The following DLGAP2 variants were observed in gnomAD, a reference collection of about 807,000 sequenced individuals.
DLGAP2 encodes the protein DLG associated protein 2, also known as disks large-associated protein 2.
Under a neutral mutation model 100.3 loss-of-function variants are expected in DLGAP2, and 26 were observed. That is an observed-to-expected ratio of 0.26 (90% confidence interval 0.19 to 0.36). The LOEUF is 0.36. DLGAP2 is among the 10% of genes least tolerant of loss of function. The probability of loss-of-function intolerance (pLI) is 1.00; values close to 1 mark genes in which losing one functional copy is unlikely to be tolerated. For synonymous variants in DLGAP2, 886 were observed against 630.1 expected (o/e 1.41, Z -6.08); for missense variants, 1,858 against 1,453.2 (o/e 1.28, Z -4.53).
At position 1,590,587 on chromosome 8, in the gene DLGAP2, A is replaced by C. The variant is rs1042129279; in HGVS notation, c.1442+24693A>C. ...GTTTAGCGATTGTTGGTGATTCTTC[A>C]TGAAGAGCAGTAACTTTAGCTGGCT... On this transcript the variant is annotated intron_variant, in intron 6 of 14. Coordinates refer to ENST00000637795, the MANE Select transcript of DLGAP2 (RefSeq NM_001346810.2). Among the ~76,000 whole-genome samples the C allele has an allele frequency of 3.9e-5, 6 of 152,342 alleles. No individual in the cohort carries two copies. The East Asian group carries it at 1.2e-3, about 29-fold the overall frequency.
chr8:1,689,864 C>G (rs964969598), intron 12 of DLGAP2, among the ~76,000 whole-genome samples: 1 of 152,222 alleles, frequency 6.6e-6, no homozygotes, highest in South Asian at 2.1e-4. Flanking sequence ...AAGCCACATA[C>G]GTGTACTGGG....
At chr8:784,097 C>G (rs369616527) in intron 1 of DLGAP2, among the ~76,000 whole-genome samples, 267 of 152,236 alleles carry the variant, frequency 1.8e-3, no homozygotes, top group African/African-American at 6.3e-3. Context: ...CTGAACCCAG[C>G]TTTCTTTCAC....
At chr8:1,268,751 T>G (rs1326319947) in intron 3 of DLGAP2, among the ~76,000 whole-genome samples, 4 of 152,202 alleles carry the variant, frequency 2.6e-5, no homozygotes, top group Admixed American at 6.5e-5. Context: ...CTTTAAAAAT[T>G]TAAAAACATT....
intron 5 of DLGAP2, among the ~76,000 whole-genome samples, chr8:1,549,902 C>G (rs944165191): frequency 5.3e-5 from 8 of 152,220 alleles, no homozygotes; most frequent in Non-Finnish European, 1.2e-4. Flanking sequence ...AAAATCCACT[C>G]TGGATGATTT....
At chr8:1,482,605 G>A (rs991909783) in intron 3 of DLGAP2, among the ~76,000 whole-genome samples, 2 of 152,258 alleles carry the variant, frequency 1.3e-5, no homozygotes, top group Non-Finnish European at 2.9e-5. Context: ...TGGGCCACGG[G>A]GTGGGCGGCT....
intron 4 of DLGAP2, among the ~76,000 whole-genome samples, chr8:1,522,488 C>T (rs1459594420): frequency 6.6e-6 from 1 of 152,192 alleles, no homozygotes; most frequent in African/African-American, 2.4e-5. Context: ...GCCTCACGCA[C>T]GGGTGCTGGG....
intron 3 of DLGAP2, chr8:1,379,619 C>G (rs762011736): frequency 4.6e-5 from 7 of 152,370 alleles, no homozygotes; most frequent in Admixed American, 2.0e-4. Flanking sequence ...GTCTTTGTCA[C>G]ATAGAGTTGG....
chr8:1,001,029 A>G (rs890623176), intron 2 of DLGAP2, among the ~76,000 whole-genome samples: 1 of 152,190 alleles, frequency 6.6e-6, no homozygotes, highest in African/African-American at 2.4e-5. Context: ...TGTCGATGAC[A>G]TTTGCAGGCT....
At chr8:1,177,695 C>T (rs982847669) in intron 2 of DLGAP2, among the ~76,000 whole-genome samples, 1 of 152,298 alleles carries the variant, frequency 6.6e-6, no homozygotes, top group East Asian at 1.9e-4. Context: ...TCTCACAGTT[C>T]TAGAGGCTGG....
chr8:1,626,975 G>A (rs1010235934), intron 7 of DLGAP2, 88 bp downstream of exon 7: 45 of 1,467,836 alleles, frequency 3.1e-5, no homozygotes, highest in African/African-American at 1.4e-4. Context: ...TGGCGATGGC[G>A]CTGCCCTCCT....
chr8:1,483,536 G>A (rs1390104524), intron 3 of DLGAP2, among the ~76,000 whole-genome samples: 1 of 145,566 alleles, frequency 6.9e-6, no homozygotes, highest in Non-Finnish European at 1.5e-5. Flanking sequence ...CTGTGCAAGA[G>A]GCTCAGGAAG....
chr8:749,811 C>T (rs1167337105), intron 1 of DLGAP2, among the ~76,000 whole-genome samples: 1 of 152,192 alleles, frequency 6.6e-6, no homozygotes, highest in East Asian at 1.9e-4. Context: ...GGCTGGAAGC[C>T]TGGAGCCAAG....
At chr8:1,096,460 T>G (rs897038240) in intron 2 of DLGAP2, among the ~76,000 whole-genome samples, 3 of 152,166 alleles carry the variant, frequency 2.0e-5, no homozygotes, top group African/African-American at 7.2e-5. Flanking sequence ...CCCCCCAGCG[T>G]GAGAACTACC....
intron 1 of DLGAP2, among the ~76,000 whole-genome samples, chr8:884,315 T>C (rs991467314): frequency 1.2e-4 from 19 of 152,230 alleles, no homozygotes; most frequent in African/African-American, 4.6e-4. Context: ...GTTTCTTGAC[T>C]TTTTAATAAT....
At chr8:1,175,847 C>A (rs1483333746) in intron 2 of DLGAP2, among the ~76,000 whole-genome samples, 1 of 152,206 alleles carries the variant, frequency 6.6e-6, no homozygotes, top group African/African-American at 2.4e-5. Flanking sequence ...TGGATTTACA[C>A]AAACCTAGAT....
chr8:1,483,982 G>C (rs751157514), intron 3 of DLGAP2, among the ~76,000 whole-genome samples: 8 of 152,246 alleles, frequency 5.3e-5, no homozygotes, highest in African/African-American at 1.9e-4. Flanking sequence ...TGGGTTTAGC[G>C]TGATATGGAA....
chr8:1,268,409 A>G (rs1799511053), intron 3 of DLGAP2, among the ~76,000 whole-genome samples: 4 of 152,244 alleles, frequency 2.6e-5, no homozygotes, highest in Admixed American at 2.6e-4. Flanking sequence ...GTAATTCATA[A>G]TAAACTCATT....
At chr8:1,199,535 T>C (rs56288807) in intron 2 of DLGAP2, among the ~76,000 whole-genome samples, 15,088 of 152,188 alleles carry the variant, frequency 0.099, 822 homozygotes, top group East Asian at 0.17. Context: ...CACAGCTACC[T>C]CTTCTAGGTC....
At chr8:1,312,900 C>A (rs1436673142) in intron 3 of DLGAP2, among the ~76,000 whole-genome samples, 1 of 152,190 alleles carries the variant, frequency 6.6e-6, no homozygotes, top group Admixed American at 6.5e-5. Context: ...GCAGGGAGCA[C>A]CATGAAGCCC....
Sources: gnomAD v4.1 joint callset for allele counts (sites outside exome capture counted in the v4.1 genomes callset) on GRCh38, gnomAD v4.1.1 for gene constraint, MANE v1.5 for transcripts, NCBI Gene and HGNC (gene_info 2026-07-23, HGNC 2026-07-21) for gene names.